The following ACAD10 variants were observed in gnomAD, a reference collection of about 807,000 sequenced individuals.
The protein encoded by ACAD10 is acyl-CoA dehydrogenase family member 10, also known as ACAD-10.
A neutral mutation model predicts 116.8 loss-of-function variants in ACAD10; 112 were observed. That is an observed-to-expected ratio of 0.96 (90% CI 0.82 to 1.12). The LOEUF is 1.12. Among genes scored for constraint, ACAD10 ranks in the 50% most tolerant of loss-of-function variants. The pLI is 0.00. For missense variants in ACAD10, 1,259 were observed against 1,350.2 expected, an observed-to-expected ratio of 0.93 and a Z score of 1.06; for synonymous variants, 486 against 510.6, an observed-to-expected ratio of 0.95 and a Z score of 0.65.
At chr12:111,746,002 AGCT>A (rs1889883123) in intron 13 of ACAD10, 139 bp from the exon 14 acceptor site, 1 of 1,019,318 alleles carries the variant, frequency 9.8e-7, no homozygotes. Context: ...CACCATGCCC[AGCT>A]CCTCATATCA....
intron 16 of ACAD10, chr12:111,747,673 A>C (rs1321177299): frequency 8.2e-7 from 1 of 1,217,742 alleles, no homozygotes; most frequent in Non-Finnish European, 1.0e-6. Flanking sequence ...CCTGCTGTTC[A>C]TTCTGCTTTG....
At chr12:111,697,470 C>T (rs1303755570) in intron 2 of ACAD10, among the ~76,000 whole-genome samples, 2 of 150,282 alleles carry the variant, frequency 1.3e-5, no homozygotes, top group African/African-American at 4.9e-5. Flanking sequence ...AAGCAATTCT[C>T]GTGCCTCAGC....
chr12:111,705,472 C>G (rs1566145213), intron 3 of ACAD10, among the ~76,000 whole-genome samples: 1 of 152,164 alleles, frequency 6.6e-6, no homozygotes, highest in Non-Finnish European at 1.5e-5. Flanking sequence ...GTCTTCCCAC[C>G]TCAGCCTCCC....
chr12:111,705,395 T>G (rs1361623420), intron 3 of ACAD10, among the ~76,000 whole-genome samples: 2 of 151,864 alleles, frequency 1.3e-5, no homozygotes, highest in Non-Finnish European at 2.9e-5. Flanking sequence ...CTAGCTAAGT[T>G]AAAAAAAAAT....
chr12:111,690,592 C>G (rs1388255130), intron 1 of ACAD10: 1 of 151,924 alleles, frequency 6.6e-6, no homozygotes, highest in Non-Finnish European at 1.5e-5. Flanking sequence ...TGATACCAAC[C>G]TGACCAACAT....
intron 8 of ACAD10, among the ~76,000 whole-genome samples, chr12:111,723,027 C>CA (rs1889068901): frequency 6.9e-6 from 1 of 145,164 alleles, no homozygotes; most frequent in South Asian, 2.2e-4. Flanking sequence ...GACCCCCCCC[C>CA]ACCTCCCTCC....
At position 111,709,691 on chromosome 12, in the gene ACAD10, G is replaced by C; in HGVS notation, c.690+7G>C. ...TGGTATTCACACCATTAAGGTAATA[G>C]TCACTAATTTTTGAACTCCCTCCCA... On this transcript the variant is annotated splice_region_variant and intron_variant, in intron 5 of 20. Coordinates refer to ENST00000313698, the MANE Select transcript of ACAD10 (RefSeq NM_025247.6). The C allele has an allele frequency of 6.2e-7, 1 of 1,602,562 alleles. No individual in the cohort carries two copies. Among genetic ancestry groups the C allele is most frequent in the Non-Finnish European group, 8.5e-7 (1 of 1,176,010 alleles).
intron 10 of ACAD10, 111 bp downstream of exon 10, chr12:111,730,067 G>A: frequency 7.0e-7 from 1 of 1,420,474 alleles, no homozygotes. Flanking sequence ...CTATTACAAA[G>A]CACCTGTCTG....
At chr12:111,754,476 G>T (rs1254527894) in intron 19 of ACAD10, among the ~76,000 whole-genome samples, 1 of 152,052 alleles carries the variant, frequency 6.6e-6, no homozygotes, top group Non-Finnish European at 1.5e-5. Context: ...GTAGAGACCG[G>T]CTCTCACCAT....
chr12:111,722,299 C>T (rs1409068959), intron 8 of ACAD10, among the ~76,000 whole-genome samples: 1 of 152,188 alleles, frequency 6.6e-6, no homozygotes, highest in African/African-American at 2.4e-5. Flanking sequence ...CCTGACCTCA[C>T]GTGATCCACC....
intron 5 of ACAD10, 122 bp downstream of exon 5, chr12:111,709,806 T>C: frequency 8.9e-7 from 1 of 1,120,520 alleles, no homozygotes; most frequent in Non-Finnish European, 1.2e-6. Context: ...GTTTCCATAG[T>C]CATCTTATTT....
intron 8 of ACAD10, among the ~76,000 whole-genome samples, chr12:111,722,546 TTG>T (rs1414956322): frequency 6.6e-6 from 1 of 151,892 alleles, no homozygotes; most frequent in Non-Finnish European, 1.5e-5. Context: ...TCCGCAGTGT[TTG>T]TGTCCCTGGG....
intron 2 of ACAD10, among the ~76,000 whole-genome samples, chr12:111,700,128 A>C (rs1042494708): frequency 3.3e-5 from 5 of 151,248 alleles, no homozygotes; most frequent in Admixed American, 6.6e-5. Flanking sequence ...GCTGAGGTGA[A>C]GGTTCATTTG....
At chr12:111,735,528 T>G (rs1889523521) in intron 11 of ACAD10, among the ~76,000 whole-genome samples, 1 of 151,576 alleles carries the variant, frequency 6.6e-6, no homozygotes, top group Admixed American at 6.6e-5. Context: ...CGATCTCAGC[T>G]CACTGCAAGC....
At chr12:111,755,627 G>T in intron 19 of ACAD10, 41 bp from the exon 20 acceptor site, 1 of 1,522,320 alleles carries the variant, frequency 6.6e-7, no homozygotes. Context: ...CACCCAGGCT[G>T]CCCTCGGGTC....
chr12:111,696,114 T>G (rs1593014079), intron 2 of ACAD10, among the ~76,000 whole-genome samples: 1 of 151,510 alleles, frequency 6.6e-6, no homozygotes, highest in African/African-American at 2.4e-5. Flanking sequence ...TAGGCTGGAG[T>G]GCAGTGGTAC....
chr12:111,722,016 T>A, intron 8 of ACAD10: 1 of 262,616 alleles, frequency 3.8e-6, no homozygotes, highest in East Asian at 7.0e-5. Flanking sequence ...TTTATTTTTT[T>A]AATCAGAGTC....
chr12:111,728,566 T>C (rs895694684), intron 9 of ACAD10, among the ~76,000 whole-genome samples: 5 of 152,178 alleles, frequency 3.3e-5, no homozygotes, highest in Non-Finnish European at 5.9e-5. Context: ...GAGATGGGGG[T>C]CTCACTGTGT....
chr12:111,727,506 A>G (rs1889250122), intron 8 of ACAD10, among the ~76,000 whole-genome samples: 2 of 152,264 alleles, frequency 1.3e-5, no homozygotes, highest in African/African-American at 4.8e-5. Flanking sequence ...CCTGGGTGAC[A>G]GAGCGAGACT....
Sources: allele counts gnomAD v4.1 joint callset (sites outside exome capture counted in the v4.1 genomes callset), GRCh38; gene constraint gnomAD v4.1.1; transcripts MANE v1.5; gene names NCBI Gene and HGNC (gene_info 2026-07-23, HGNC 2026-07-21).